The following CIZ1 variants were observed in gnomAD, a reference collection of about 807,000 sequenced individuals.
CIZ1 encodes the protein CDKN1A interacting zinc finger protein 1.
A neutral mutation model predicts 118.6 loss-of-function variants in CIZ1; 58 were observed. The observed-to-expected ratio is 0.49, with a 90% CI of 0.40 to 0.61. The LOEUF (loss-of-function observed/expected upper bound fraction) is 0.61, where lower values mean the gene tolerates loss of function less well. CIZ1 is among the 20% of genes least tolerant of loss of function. The pLI is 0.00. For missense variants in CIZ1, 921 were observed against 1,115.9 expected, an observed-to-expected ratio of 0.83 and a Z score of 2.49; for synonymous variants, 448 against 443.4, an observed-to-expected ratio of 1.01 and a Z score of -0.13.
chr9:128,166,199 A>G lies in CIZ1; in HGVS notation c.2695T>C (p.Ter899ArgextTer1), dbSNP rs774961220. 7.1e-7 allele frequency: 1 copy of G among 1,407,356 alleles called. No individual in the cohort carries two copies. The highest frequency in any genetic ancestry group is 9.4e-7 in the Non-Finnish European group (1 of 1,063,368). The allele number at this position is 1,407,356 out of a possible 1,614,324, so 87.2% of individuals were successfully genotyped here. Reference protein sequence around the residue: ...LPRRSTRLKT* With the variant: ...LPRRSTRLKTR ...CCAGGGACAGGGAGGTCCCTCTATC[A>G]GGTTTTGAGGCGGGTTGAGCGCCGA... The change falls in exon 17 of 17, where the codon TGA (stop) becomes CGA (arginine). Residue 899 changes from the stop codon to arginine (R), a stop_lost. Transcript: ENST00000372938. The surrounding 1 kb of genome is among the most constrained non-coding windows in gnomAD (Gnocchi z 4.4).
At chr9:128,195,718 C>T (rs1235607624), upstream of CIZ1, among the ~76,000 whole-genome samples, 1 of 152,182 alleles carries the variant, frequency 6.6e-6, no homozygotes, top group Non-Finnish European at 1.5e-5. Context: ...ATTATTATAG[C>T]TTTAGAATAT....
At chr9:128,198,784 A>T (rs1001993424) in intron 1 of CIZ1, among the ~76,000 whole-genome samples, 1 of 151,954 alleles carries the variant, frequency 6.6e-6, no homozygotes, top group Non-Finnish European at 1.5e-5. Flanking sequence ...GTGAGCTGAG[A>T]TCGTGCCACT....
chr9:128,195,502 G>A (rs1245622569), upstream of CIZ1, among the ~76,000 whole-genome samples: 2 of 152,018 alleles, frequency 1.3e-5, no homozygotes, highest in Admixed American at 6.6e-5. Context: ...ATTTTCAGTA[G>A]AGATGGGGTT....
upstream of CIZ1, chr9:128,191,662 G>A (rs780126344): frequency 9.8e-5 from 125 of 1,276,678 alleles, no homozygotes; most frequent in African/African-American, 1.4e-4. This position sits in a 1 kb window ranked among gnomAD's most constrained non-coding sequence, Gnocchi z 5.5. Flanking sequence ...AGCCCGCCCA[G>A]TGCACAAGTC....
In CIZ1 at chr9:128,169,193, C is replaced by T. The variant is rs753575190; in HGVS notation, c.2154G>A (p.Ser718=). The change falls in exon 14 of 17, where the codon TCG becomes TCA. Residue 718 remains serine (S), a synonymous_variant. Transcript: ENST00000372938. ...CTTGGCCAGCAATTTCTTTCTCAAG[C>T]GACTTCAGCTGCCCAGGGAGTAGGC... ...GHKDKAKELK[S]LEKEIAGQDE... The T allele has an allele frequency of 6.2e-6, 10 of 1,614,074 alleles. No homozygotes were observed. Among genetic ancestry groups the T allele is most frequent in the South Asian group, 3.3e-5 (3 of 91,092 alleles).
chr9:128,169,597 A>G (rs757369679), intron 12 of CIZ1, 78 bp from the exon 13 acceptor site: 16 of 1,588,546 alleles, frequency 1.0e-5, no homozygotes, highest in Non-Finnish European at 9.4e-6. Flanking sequence ...GCCCAGCAAG[A>G]GCTCACCTCC....
chr9:128,191,861 G>A, upstream of CIZ1: 3 of 1,470,000 alleles, frequency 2.0e-6, no homozygotes, highest in Non-Finnish European at 2.7e-6. The surrounding 1 kb of genome is among the most constrained non-coding windows in gnomAD (Gnocchi z 5.5). Flanking sequence ...CCACCTCCCT[G>A]CGGCCGCCGC....
rs1229597517 is a variant in CIZ1, at chr9:128,180,428, T to C, written c.778A>G (p.Lys260Glu). 1.9e-6 allele frequency: 3 copies of C among 1,613,862 alleles called. No homozygotes were observed. Among genetic ancestry groups the C allele is most frequent in the Non-Finnish European group, 2.5e-6 (3 of 1,179,796 alleles). ...AGCATCAGTTACCTCCTCAATCTCT[T>C]TGCTGGCAGCTCGGACGCCTCACAA... ...EPCEASELPA[K>E]RLRSSEEPTE... Residue 260 changes from lysine to glutamate, a missense_variant, in exon 7 of 17, where the codon AAG becomes GAG. Physicochemically the swap from Lys to Glu is moderately conservative, Grantham distance 56. Coordinates refer to ENST00000372938, the MANE Select transcript of CIZ1 (RefSeq NM_001131016.2).
At chr9:128,178,022 T>C (rs920626001) in intron 9 of CIZ1, among the ~76,000 whole-genome samples, 1 of 152,026 alleles carries the variant, frequency 6.6e-6, no homozygotes, top group Non-Finnish European at 1.5e-5. Flanking sequence ...GGGAAAGGGT[T>C]TGCCCACAGT....
At chr9:128,177,542 C>CCCCCCAAAAAAA in intron 10 of CIZ1, 24 bp downstream of exon 10, 1 of 1,229,498 alleles carries the variant, frequency 8.1e-7, no homozygotes, top group Non-Finnish European at 1.1e-6. Context: ...CACCCCTCCC[C>CCCCCCAAAAAAA]ACCCTTATCT....
intron 5 of CIZ1, among the ~76,000 whole-genome samples, chr9:128,181,183 C>A (rs1401525032): frequency 6.6e-6 from 1 of 151,948 alleles, no homozygotes; most frequent in African/African-American, 2.4e-5. Flanking sequence ...TAGCACAATC[C>A]CGGCTCACTG....
Position 128,166,703 on chromosome 9 carries a change from T to A in CIZ1, c.2487+56A>T. On this transcript the variant is annotated intron_variant, in intron 16 of 16. Transcript: ENST00000372938. The surrounding 1 kb of genome is among the most constrained non-coding windows in gnomAD (Gnocchi z 4.4). Reference sequence around the variant, plus strand: ...GTGGCCACTAGCCACCCGAATCAGCTTGGATTAAGACTAAGTCTGTGGCCA... The same window carrying A: ...GTGGCCACTAGCCACCCGAATCAGCATGGATTAAGACTAAGTCTGTGGCCA... 4.3e-6 allele frequency: 7 copies of A among 1,611,954 alleles called. No individual in the cohort carries two copies. Among genetic ancestry groups the A allele is most frequent in the Non-Finnish European group, 5.9e-6 (7 of 1,178,468 alleles).
At chr9:128,176,549 G>A in intron 10 of CIZ1, 74 bp from the exon 11 acceptor site, 8 of 1,475,226 alleles carry the variant, frequency 5.4e-6, no homozygotes, top group Non-Finnish European at 7.4e-6. Context: ...GGCCTGGGGA[G>A]GCAGACCCCA....
chr9:128,169,428 CCCTG>C lies in CIZ1; in HGVS notation c.2119_2122del (p.Gln707GlyfsTer9). On this transcript the variant is annotated frameshift_variant, in exon 13 of 17. Transcript: ENST00000372938. LOFTEE classifies it high-confidence loss of function. ...TACCTCCTTGGCTTTGTCCTTATGC[CCCTG>C]GGACTTCACGTGCTCCACAAACTTG... 2 of 1,614,140 alleles carry C rather than the reference CCCTG, an allele frequency of 1.2e-6. No homozygotes were observed. The highest frequency in any genetic ancestry group is 1.7e-6 in the Non-Finnish European group (2 of 1,180,012).
upstream of CIZ1, among the ~76,000 whole-genome samples, chr9:128,193,836 G>T (rs1443521591): frequency 6.6e-6 from 1 of 152,224 alleles, no homozygotes; most frequent in Non-Finnish European, 1.5e-5. Context: ...GGTGACACTG[G>T]CTGGGGGAGA....
chr9:128,200,367 T>C (rs942149324), intron 1 of CIZ1, among the ~76,000 whole-genome samples: 2 of 151,670 alleles, frequency 1.3e-5, no homozygotes, highest in African/African-American at 4.9e-5. Flanking sequence ...AAAGTAAAAA[T>C]AATAAAAGCT....
chr9:128,169,109 CTCT>C lies in CIZ1; in HGVS notation c.2235_2237del (p.Glu748del), dbSNP rs748948269. 4.3e-6 allele frequency: 7 copies of C among 1,614,082 alleles called. No homozygotes were observed. The highest frequency in any genetic ancestry group is 1.7e-5 in the Admixed American group (1 of 60,014). ...CTTCTTCATCCTCATCATCCTCTTC[CTCT>C]TCTTCATCACCCTCGAAGCAACCCA... On this transcript the variant is annotated inframe_deletion, in exon 14 of 17. Coordinates refer to ENST00000372938, the MANE Select transcript of CIZ1 (RefSeq NM_001131016.2).
chr9:128,201,267 C>CA (rs1833507292), intron 1 of CIZ1, among the ~76,000 whole-genome samples: 1 of 149,302 alleles, frequency 6.7e-6, no homozygotes. Flanking sequence ...GATTCCGTCT[C>CA]AAAAAACAAA....
At chr9:128,192,993 G>C (rs1833264351), upstream of CIZ1, among the ~76,000 whole-genome samples, 1 of 152,218 alleles carries the variant, frequency 6.6e-6, no homozygotes, top group South Asian at 2.1e-4. Flanking sequence ...GGCGGAGCGC[G>C]TTGACGGAGG....
Sources: allele counts gnomAD v4.1 joint callset (sites outside exome capture counted in the v4.1 genomes callset), GRCh38; gene constraint gnomAD v4.1.1; non-coding constraint Gnocchi (gnomAD v3.1); transcripts MANE v1.5; gene names NCBI Gene and HGNC (gene_info 2026-07-23, HGNC 2026-07-21).